Variants in ZNF521 observed in about 807,000 individuals in gnomAD.
The protein encoded by ZNF521 is zinc finger protein 521, also known as LYST-interacting protein 3.
A neutral mutation model predicts 105.5 loss-of-function variants in ZNF521; 14 were observed. The observed-to-expected ratio is 0.13, with a 90% CI of 0.09 to 0.21. The LOEUF (loss-of-function observed/expected upper bound fraction) is 0.21. Among genes scored for constraint, ZNF521 ranks in the 10% least tolerant of loss-of-function variants. The probability of loss-of-function intolerance (pLI) is 1.00; values close to 1 mark genes in which losing one functional copy is unlikely to be tolerated. For missense variants in ZNF521, 1,233 were observed against 1,629.7 expected (o/e 0.76, Z 4.19); for synonymous variants, 635 against 606.0 (o/e 1.05, Z -0.70).
At chr18:25,098,372 C>A (rs542948076) in intron 5 of ZNF521, among the ~76,000 whole-genome samples, 1 of 152,002 alleles carries the variant, frequency 6.6e-6, no homozygotes, top group Non-Finnish European at 1.5e-5. Flanking sequence ...TAAACATGGA[C>A]CCCATGGTTG....
At chr18:25,165,558 T>C (rs990508363) in intron 5 of ZNF521, among the ~76,000 whole-genome samples, 1 of 152,208 alleles carries the variant, frequency 6.6e-6, no homozygotes, top group Non-Finnish European at 1.5e-5. Flanking sequence ...TTTTGATGCT[T>C]GCTTGATACA....
At chr18:25,096,161 A>G (rs1420938808) in intron 5 of ZNF521, among the ~76,000 whole-genome samples, 2 of 152,220 alleles carry the variant, frequency 1.3e-5, no homozygotes, top group Non-Finnish European at 2.9e-5. Flanking sequence ...GTCTACATAA[A>G]AGAGACTGAT....
chr18:25,220,795 G>A (rs765214213), intron 4 of ZNF521, among the ~76,000 whole-genome samples: 8 of 152,184 alleles, frequency 5.3e-5, no homozygotes, highest in South Asian at 2.1e-4. Flanking sequence ...AGAAGAATAC[G>A]TGTTTCCAAA....
intron 5 of ZNF521, among the ~76,000 whole-genome samples, chr18:25,191,145 C>T (rs1386870718): frequency 1.3e-5 from 2 of 152,070 alleles, no homozygotes; most frequent in Admixed American, 6.6e-5. Context: ...CACTTAGACA[C>T]AATTTTGCCA....
intron 3 of ZNF521, among the ~76,000 whole-genome samples, chr18:25,274,962 G>C (rs1455441979): frequency 6.6e-6 from 1 of 152,072 alleles, no homozygotes; most frequent in Non-Finnish European, 1.5e-5. Context: ...AGAAAAAAAA[G>C]TTTCATCCCC....
intron 3 of ZNF521, among the ~76,000 whole-genome samples, chr18:25,283,928 C>CG (rs912726547): frequency 7.1e-6 from 1 of 141,758 alleles, no homozygotes; most frequent in Middle Eastern, 3.6e-3. Context: ...ACTTTCCCCC[C>CG]CCCCCAAAAA....
intron 3 of ZNF521, among the ~76,000 whole-genome samples, chr18:25,261,660 C>T (rs1197284459): frequency 6.7e-6 from 1 of 148,152 alleles, no homozygotes; most frequent in African/African-American, 2.5e-5. Flanking sequence ...TGTGTATATG[C>T]TTTTTTTTTT....
At chr18:25,182,843 A>G in intron 5 of ZNF521, among the ~76,000 whole-genome samples, 1 of 152,288 alleles carries the variant, frequency 6.6e-6, no homozygotes, top group East Asian at 1.9e-4. Context: ...TGAACAAACG[A>G]CCAGTCTTTA....
intron 3 of ZNF521, among the ~76,000 whole-genome samples, chr18:25,305,227 CCTA>C (rs1256773378): frequency 6.6e-6 from 1 of 152,132 alleles, no homozygotes; most frequent in African/African-American, 2.4e-5. Flanking sequence ...CTTACGCTTG[CCTA>C]CTAAAAATGA....
At position 25,322,167 on chromosome 18, in the gene ZNF521, C is replaced by T. The variant is rs7235917; in HGVS notation, c.61G>A (p.Asp21Asn). The T allele has an allele frequency of 7.1e-5, 114 of 1,614,048 alleles. No homozygotes were observed. Among genetic ancestry groups the T allele is most frequent in the Non-Finnish European group, 8.5e-5 (100 of 1,180,032 alleles). The part of the protein sequence containing the change: ...SLKDPNCKLE[D>N]KTEDGEALDC... ...AGTGCCTCTCCATCTTCAGTCTTGT[C>T]TTCAAGTTTACAGTTGGGGTCTGAA... The change falls in exon 3 of 8, where the codon GAC (aspartate) becomes AAC (asparagine). Residue 21 changes from aspartate (D) to asparagine (N), a missense_variant. By Grantham distance (23) the Asp-to-Asn change is conservative. Around this residue, in one of 6 missense-constraint regions of ZNF521, gnomAD observed 76 missense variants for 79.3 expected, o/e 0.96. Transcript: ENST00000361524.
chr18:25,227,062 A>G lies in ZNF521; in HGVS notation c.856T>C (p.Cys286Arg), dbSNP rs1371535405. The change falls in exon 4 of 8, where the codon TGC (cysteine) becomes CGC (arginine). Residue 286 changes from cysteine to arginine, a missense_variant. Coordinates refer to ENST00000361524, the MANE Select transcript of ZNF521 (RefSeq NM_015461.3). This position sits in a 1 kb window ranked among gnomAD's most constrained non-coding sequence, Gnocchi z 5.7. ...GTCTCCTCTACGAAGAGCTCGTGGC[A>G]GTAGACACACTGGAGGGCCGCTCGG... ...EDRAALQCVY[C>R]HELFVEETSL... is the part of the protein sequence containing the mutation. 6.2e-7 allele frequency: 1 copy of G among 1,614,152 alleles called. No individual in the cohort carries two copies.
chr18:25,243,628 T>C (rs1172067863), intron 3 of ZNF521, among the ~76,000 whole-genome samples: 1 of 152,218 alleles, frequency 6.6e-6, no homozygotes, highest in East Asian at 1.9e-4. Context: ...GACAAACTCA[T>C]TTCCTCAGAA....
intron 5 of ZNF521, among the ~76,000 whole-genome samples, chr18:25,100,845 T>C (rs1397153187): frequency 6.6e-6 from 1 of 152,174 alleles, no homozygotes; most frequent in Non-Finnish European, 1.5e-5. Flanking sequence ...TAGTTAGAGC[T>C]CCATAACCTT....
chr18:25,303,810 C>T (rs1254176174), intron 3 of ZNF521, among the ~76,000 whole-genome samples: 1 of 152,112 alleles, frequency 6.6e-6, no homozygotes. Context: ...GTCAATTATT[C>T]AACACAAAGA....
intron 5 of ZNF521, among the ~76,000 whole-genome samples, chr18:25,173,985 T>G (rs1022490319): frequency 6.6e-6 from 1 of 152,218 alleles, no homozygotes; most frequent in Non-Finnish European, 1.5e-5. Flanking sequence ...TCCGAAAGAC[T>G]GAAAATACAG....
intron 4 of ZNF521, among the ~76,000 whole-genome samples, chr18:25,217,533 GGTA>G (rs1905405729): frequency 6.6e-6 from 1 of 152,024 alleles, no homozygotes; most frequent in Admixed American, 6.6e-5. Context: ...AGGAGTCTAG[GGTA>G]TACATACGAC....
At chr18:25,336,271 T>A (rs1427769785) in intron 2 of ZNF521, among the ~76,000 whole-genome samples, 1 of 152,182 alleles carries the variant, frequency 6.6e-6, no homozygotes, top group African/African-American at 2.4e-5. Flanking sequence ...ATGACTGAGG[T>A]GATGCAGAAA....
At chr18:25,303,303 TGTGTGTGAGAGA>T (rs1166239963) in intron 3 of ZNF521, among the ~76,000 whole-genome samples, 32 of 112,500 alleles carry the variant, frequency 2.8e-4, no homozygotes, top group South Asian at 1.0e-3. Context: ...TGTGTGTGTG[TGTGTGTGAGAGA>T]GAGACGGAGT....
In ZNF521 at chr18:25,224,733, T is replaced by G. The variant is rs768520229; in HGVS notation, c.3185A>C (p.Gln1062Pro). Residue 1062 changes from glutamine to proline, a missense_variant, in exon 4 of 8, where the codon CAA becomes CCA. Around this residue, in one of 6 missense-constraint regions of ZNF521, gnomAD observed 614 missense variants for 751.5 expected, o/e 0.82. Transcript: ENST00000361524. ...VQTTGRGQHV[Q>P]KLYKCASCLK... ...GCAAGATGCGCACTTATACAGTTTT[T>G]GGACGTGCTGGCCCCGCCCTGTGGT... is the stretch of plus-strand genomic sequence containing the variant. The G allele has an allele frequency of 1.9e-6, 3 of 1,614,024 alleles. No individual in the cohort carries two copies. The highest frequency in any genetic ancestry group is 4.5e-5 in the East Asian group (2 of 44,878).
Sources: gnomAD v4.1 joint callset for allele counts (sites outside exome capture counted in the v4.1 genomes callset) on GRCh38, gnomAD v4.1.1 for gene constraint, gnomAD v4.1.1 regional missense constraint, Gnocchi (gnomAD v3.1) non-coding constraint, MANE v1.5 for transcripts, NCBI Gene and HGNC (gene_info 2026-07-23, HGNC 2026-07-21) for gene names.